CDH12: variants seen among roughly 807,000 people sequenced by gnomAD.
CDH12 encodes cadherin 12.
CDH12 carries 41 observed loss-of-function variants against 74.1 expected under a neutral mutation model. The ratio of observed to expected loss-of-function variants is 0.55; its 90% confidence interval spans 0.43 to 0.72. CDH12 has a LOEUF of 0.72. CDH12 is among the 30% of genes least tolerant of loss of function. The pLI is 0.00. For missense variants in CDH12, 945 were observed against 977.2 expected (o/e 0.97, Z 0.44); for synonymous variants, 399 against 355.0 (o/e 1.12, Z -1.39).
chr5:22,092,116 C>T (rs903951194), intron 4 of CDH12, among the ~76,000 whole-genome samples: 6 of 151,624 alleles, frequency 4.0e-5, no homozygotes, highest in Admixed American at 2.6e-4. Flanking sequence ...TCCTCTACTG[C>T]CACCATATGC....
intron 1 of CDH12, among the ~76,000 whole-genome samples, chr5:22,713,654 CAT>C (rs1743414289): frequency 6.6e-6 from 1 of 151,814 alleles, no homozygotes; most frequent in African/African-American, 2.4e-5. Context: ...AGATATGTAA[CAT>C]AATAAATAGG....
chr5:22,688,461 G>C (rs548793408), intron 1 of CDH12, among the ~76,000 whole-genome samples: 4 of 152,038 alleles, frequency 2.6e-5, no homozygotes, highest in African/African-American at 9.7e-5. Flanking sequence ...GAAATTTCTC[G>C]CTTCCACTTT....
intron 1 of CDH12, among the ~76,000 whole-genome samples, chr5:22,715,496 G>A (rs992215830): frequency 6.6e-6 from 1 of 152,172 alleles, no homozygotes; most frequent in African/African-American, 2.4e-5. Flanking sequence ...TGGAAAGGGT[G>A]ATGAGTACCT....
At chr5:22,025,261 TGATA>T (rs1273231587) in intron 5 of CDH12, among the ~76,000 whole-genome samples, 6 of 152,116 alleles carry the variant, frequency 3.9e-5, no homozygotes, top group East Asian at 1.9e-4. Flanking sequence ...TTATATTTAT[TGATA>T]AAGAAATTAG....
At chr5:22,401,642 A>G (rs1422845264) in intron 3 of CDH12, among the ~76,000 whole-genome samples, 1 of 152,146 alleles carries the variant, frequency 6.6e-6, no homozygotes, top group African/African-American at 2.4e-5. Context: ...AGTTCATAAT[A>G]ATGTATAGAG....
intron 1 of CDH12, among the ~76,000 whole-genome samples, chr5:22,769,739 T>G (rs906022821): frequency 3.9e-5 from 6 of 151,970 alleles, no homozygotes; most frequent in African/African-American, 1.4e-4. Context: ...TGGGGATGGA[T>G]ATAATGGGGG....
intron 3 of CDH12, among the ~76,000 whole-genome samples, chr5:22,296,912 G>A (rs1435254689): frequency 1.3e-5 from 2 of 152,098 alleles, no homozygotes; most frequent in East Asian, 3.9e-4. Context: ...ATATCTTTAG[G>A]AAAGCATACA....
chr5:22,427,436 G>A (rs1373788314), intron 2 of CDH12, among the ~76,000 whole-genome samples: 3 of 152,088 alleles, frequency 2.0e-5, no homozygotes, highest in Non-Finnish European at 2.9e-5. Flanking sequence ...AAATTGCTGG[G>A]ATTACAGGCA....
chr5:21,844,931 C>G (rs1452522313), intron 7 of CDH12, among the ~76,000 whole-genome samples: 1 of 152,036 alleles, frequency 6.6e-6, no homozygotes, highest in Non-Finnish European at 1.5e-5. Context: ...ATTCCAAACT[C>G]TTTTCAAATG....
chr5:21,972,831 G>A (rs1265889158), intron 6 of CDH12, among the ~76,000 whole-genome samples: 1 of 151,884 alleles, frequency 6.6e-6, no homozygotes, highest in African/African-American at 2.4e-5. Context: ...TGTAAATTTA[G>A]TATAAAAACA....
chr5:22,591,548 T>A (rs1178076293), intron 1 of CDH12, among the ~76,000 whole-genome samples: 1 of 152,140 alleles, frequency 6.6e-6, no homozygotes, highest in Non-Finnish European at 1.5e-5. Flanking sequence ...CAAGTTCCTG[T>A]TTTTTTATCA....
intron 2 of CDH12, among the ~76,000 whole-genome samples, chr5:22,466,149 T>A (rs997688226): frequency 5.9e-5 from 9 of 152,224 alleles, no homozygotes; most frequent in African/African-American, 1.9e-4. Flanking sequence ...TCTGGAAACA[T>A]TTCCATCTCC....
chr5:21,797,841 A>T (rs564864036), intron 10 of CDH12, among the ~76,000 whole-genome samples: 1 of 152,212 alleles, frequency 6.6e-6, no homozygotes, highest in East Asian at 1.9e-4. Context: ...TCTAGTTCTT[A>T]AGTATTGCCT....
intron 4 of CDH12, among the ~76,000 whole-genome samples, chr5:22,191,099 G>A (rs1251432186): frequency 6.6e-6 from 1 of 152,046 alleles, no homozygotes; most frequent in Non-Finnish European, 1.5e-5. Context: ...TTTAGCTGCT[G>A]TAGCTTCTCT....
intron 4 of CDH12, among the ~76,000 whole-genome samples, chr5:22,092,218 T>C (rs1743475839): frequency 6.6e-6 from 1 of 151,882 alleles, no homozygotes; most frequent in Non-Finnish European, 1.5e-5. Context: ...ATTCAGTGTG[T>C]TTAAAAATAT....
At chr5:21,913,285 A>G (rs1753943601) in intron 6 of CDH12, among the ~76,000 whole-genome samples, 1 of 152,078 alleles carries the variant, frequency 6.6e-6, no homozygotes, top group South Asian at 2.1e-4. Context: ...ATTTTAGGTT[A>G]GTTGTATTCT....
intron 5 of CDH12, among the ~76,000 whole-genome samples, chr5:22,052,423 C>T (rs958034532): frequency 3.3e-5 from 5 of 151,822 alleles, no homozygotes; most frequent in African/African-American, 4.9e-5. Flanking sequence ...CTATGACAGC[C>T]CACCCTGCCT....
chr5:22,698,538 C>T (rs1742505042), intron 1 of CDH12, among the ~76,000 whole-genome samples: 1 of 151,218 alleles, frequency 6.6e-6, no homozygotes, highest in African/African-American at 2.4e-5. Flanking sequence ...TATGGAAGAT[C>T]ACAACATGTC....
intron 6 of CDH12, among the ~76,000 whole-genome samples, chr5:21,930,465 C>T (rs1038363965): frequency 9.2e-5 from 14 of 152,086 alleles, no homozygotes; most frequent in African/African-American, 3.4e-4. Context: ...CAGTCATTTC[C>T]CATCATGCCT....
Sources: allele counts gnomAD v4.1 joint callset (sites outside exome capture counted in the v4.1 genomes callset), GRCh38; gene constraint gnomAD v4.1.1; transcripts MANE v1.5; gene names NCBI Gene and HGNC (gene_info 2026-07-23, HGNC 2026-07-21).